SRGAP2B: variants seen among roughly 807,000 people sequenced by gnomAD.
The protein encoded by SRGAP2B is SLIT-ROBO Rho GTPase activating protein 2B.
In SRGAP2B, 9 loss-of-function variants were observed where a neutral mutation model predicts 22.2. That is an observed-to-expected ratio of 0.41 (90% CI 0.24 to 0.71). SRGAP2B has a LOEUF of 0.71. SRGAP2B is among the 30% of genes least tolerant of loss of function. The pLI, the probability that SRGAP2B is intolerant of heterozygous loss-of-function variation, is 0.35. For missense variants in SRGAP2B, 114 were observed against 235.8 expected, an observed-to-expected ratio of 0.48 and a Z score of 3.38; for synonymous variants, 36 against 87.4, an observed-to-expected ratio of 0.41 and a Z score of 3.28.
intron 5 of SRGAP2B, among the ~76,000 whole-genome samples, chr1:144,911,466 C>G (rs1305340627): frequency 1.3e-5 from 2 of 149,498 alleles, no homozygotes; most frequent in Non-Finnish European, 2.9e-5. Context: ...AGAACTTTTC[C>G]AGTTTCAGCA....
chr1:144,997,457 G>A (rs1202122909), intron 2 of SRGAP2B, among the ~76,000 whole-genome samples: 1 of 149,538 alleles, frequency 6.7e-6, no homozygotes, highest in Non-Finnish European at 1.5e-5. Context: ...AAAGAACCAA[G>A]GCGTTTTTAG....
At chr1:144,975,868 CTTTTT>C (rs56268353) in intron 3 of SRGAP2B, among the ~76,000 whole-genome samples, 1 of 27,344 alleles carries the variant, frequency 3.7e-5, no homozygotes, top group African/African-American at 2.1e-4. Context: ...GTTAGTAATT[CTTTTT>C]TTTTTTTTTT....
At chr1:145,009,101 T>C (rs1166828158) in intron 2 of SRGAP2B, among the ~76,000 whole-genome samples, 35 of 124,704 alleles carry the variant, frequency 2.8e-4, no homozygotes, top group South Asian at 7.7e-4. Flanking sequence ...GGCGTGAACC[T>C]GGGAGGCGGA....
chr1:145,093,913 T>G (rs1256549526), intron 1 of SRGAP2B, among the ~76,000 whole-genome samples: 1 of 148,364 alleles, frequency 6.7e-6, no homozygotes, highest in Non-Finnish European at 1.5e-5. Flanking sequence ...CCAGTTGTTT[T>G]GTTTTTGGTT....
At chr1:145,009,310 C>T (rs1449157819) in intron 2 of SRGAP2B, among the ~76,000 whole-genome samples, 2 of 148,296 alleles carry the variant, frequency 1.3e-5, no homozygotes, top group East Asian at 2.0e-4. Context: ...AACTGGCGGC[C>T]GGGCGCGGTG....
At chr1:144,912,029 C>A (rs1392261510) in intron 5 of SRGAP2B, among the ~76,000 whole-genome samples, 1 of 146,482 alleles carries the variant, frequency 6.8e-6, no homozygotes, top group African/African-American at 2.6e-5. Flanking sequence ...CGGCTCACTG[C>A]AAGCTCTGCC....
chr1:145,015,240 G>C (rs1211456621), intron 2 of SRGAP2B, among the ~76,000 whole-genome samples: 1 of 72,420 alleles, frequency 1.4e-5, no homozygotes, highest in African/African-American at 6.4e-5. Context: ...CACCATGCCC[G>C]GCTAATTTTT....
intron 3 of SRGAP2B, among the ~76,000 whole-genome samples, chr1:144,984,373 A>AAC (rs1669562892): frequency 6.7e-6 from 1 of 148,664 alleles, no homozygotes; most frequent in African/African-American, 2.6e-5. Context: ...AACAAAAAAA[A>AAC]AAAAACAAAA....
chr1:144,889,106 C>T (rs1662074829), exon 10 of SRGAP2B: 1 of 142,650 alleles, frequency 7.0e-6, no homozygotes. Flanking sequence ...AGGCGCCTGC[C>T]ACCACACTCA....
chr1:145,074,230 C>T (rs1156545438), intron 2 of SRGAP2B, among the ~76,000 whole-genome samples: 2 of 140,068 alleles, frequency 1.4e-5, no homozygotes, highest in Non-Finnish European at 3.0e-5. Context: ...GATGCAGGAG[C>T]GGTAAGCACG....
intron 5 of SRGAP2B, among the ~76,000 whole-genome samples, chr1:144,911,461 T>G: frequency 6.7e-6 from 1 of 149,620 alleles, no homozygotes; most frequent in South Asian, 2.1e-4. Context: ...AACCTAGAAC[T>G]TTTCCAGTTT....
chr1:144,966,768 T>C (rs1668115177), intron 3 of SRGAP2B, among the ~76,000 whole-genome samples: 2 of 148,152 alleles, frequency 1.3e-5, no homozygotes, highest in Non-Finnish European at 2.9e-5. Flanking sequence ...GAGACACACA[T>C]AGGCTGAAAA....
In SRGAP2B at chr1:145,044,650, TAA is replaced by T. The variant is rs1184404731; in HGVS notation, c.67+48183_67+48184del. The stretch of plus-strand genomic sequence containing the variant: ...TATATTTTATATTTGAACCCCCTCC[TAA>T]AAAAAAAAAAAAAAAAAAAAAAAAA... On this transcript the variant is annotated intron_variant, in intron 2 of 9. Transcript: ENST00000612199. Among the ~76,000 whole-genome samples, 268 of 30,656 alleles carry T rather than the reference TAA, an allele frequency of 8.7e-3. 1 individual carries two copies. Among genetic ancestry groups the T allele is most frequent in the African/African-American group, 0.033 (250 of 7,582 alleles). 20.1% of individuals were successfully genotyped at this position (30,656 alleles called of 152,430 possible).
chr1:144,904,152 T>C (rs1662814661), intron 7 of SRGAP2B, among the ~76,000 whole-genome samples: 1 of 149,482 alleles, frequency 6.7e-6, no homozygotes, highest in African/African-American at 2.5e-5. Flanking sequence ...CTGGATACCT[T>C]CCTGACAGGA....
At chr1:144,951,177 TG>T (rs1553341902) in intron 4 of SRGAP2B, among the ~76,000 whole-genome samples, 2 of 150,000 alleles carry the variant, frequency 1.3e-5, no homozygotes, top group Admixed American at 6.6e-5. Flanking sequence ...TTTTGTTTTT[TG>T]TTTTTTTTTT....
At position 145,020,661 on chromosome 1, in the gene SRGAP2B, G is replaced by A. The variant is rs782575308; in HGVS notation, c.68-25461C>T. 7.7e-4 allele frequency among the ~76,000 whole-genome samples: 114 copies of A among 147,406 alleles called. 2 individuals carry two copies. Among genetic ancestry groups the A allele is most frequent in the Non-Finnish European group, 1.4e-3 (93 of 67,954 alleles). ...TGACTGAAATAAAGCATCTAGAGTA[G>A]TGTCTGATACATGATCATCAAAAAT... is the stretch of plus-strand genomic sequence containing the variant. On this transcript the variant is annotated intron_variant, in intron 2 of 9. Transcript: ENST00000612199.
chr1:145,094,017 T>C (rs1252615274), intron 1 of SRGAP2B, among the ~76,000 whole-genome samples: 2 of 144,512 alleles, frequency 1.4e-5, no homozygotes, highest in African/African-American at 2.7e-5. Flanking sequence ...AGGAAAACAA[T>C]GTGGTCAGCT....
intron 1 of SRGAP2B, among the ~76,000 whole-genome samples, chr1:145,094,172 A>C (rs1487062914): frequency 4.9e-5 from 3 of 61,316 alleles, no homozygotes; most frequent in Admixed American, 1.7e-4. Flanking sequence ...CCAAGCTCAG[A>C]GATCCCAGAT....
intron 3 of SRGAP2B, among the ~76,000 whole-genome samples, chr1:144,964,811 C>T (rs1570871608): frequency 6.7e-6 from 1 of 150,370 alleles, no homozygotes; most frequent in Non-Finnish European, 1.5e-5. Context: ...CCTGGCTACT[C>T]GGGAAGCTGA....
Sources: allele counts gnomAD v4.1 joint callset (sites outside exome capture counted in the v4.1 genomes callset), GRCh38; gene constraint gnomAD v4.1.1; transcripts MANE v1.5; gene names NCBI Gene and HGNC (gene_info 2026-07-23, HGNC 2026-07-21).